Variants in NUP214 observed in about 807,000 individuals in gnomAD.
NUP214 encodes the protein nucleoporin 214, also known as nuclear pore complex protein Nup214.
A neutral mutation model predicts 196.2 loss-of-function variants in NUP214; 79 were observed. That is an observed-to-expected ratio of 0.40 (90% CI 0.34 to 0.49). The LOEUF (loss-of-function observed/expected upper bound fraction) is 0.49. Ranked by LOEUF, NUP214 falls within the 20% of genes least tolerant of loss-of-function variation. NUP214 has a pLI of 0.58. For synonymous variants in NUP214, 1,020 were observed against 990.5 expected (o/e 1.03, Z -0.56); for missense variants, 2,468 against 2,539.0 (o/e 0.97, Z 0.60).
At chr9:131,158,725 C>T (rs995407458) in intron 17 of NUP214, among the ~76,000 whole-genome samples, 1 of 152,146 alleles carries the variant, frequency 6.6e-6, no homozygotes, top group Non-Finnish European at 1.5e-5. Context: ...ATTCCCAGAC[C>T]ATGGAACTGA....
chr9:131,184,935 A>T (rs1307401650), intron 24 of NUP214, among the ~76,000 whole-genome samples: 4 of 152,274 alleles, frequency 2.6e-5, no homozygotes, highest in African/African-American at 9.6e-5. Flanking sequence ...TTGTTTCTTC[A>T]GTTACTCTTG....
At chr9:131,231,084 C>T (rs1031600537) in intron 34 of NUP214, among the ~76,000 whole-genome samples, 3 of 152,070 alleles carry the variant, frequency 2.0e-5, no homozygotes, top group Non-Finnish European at 2.9e-5. Flanking sequence ...ATCACTTGAG[C>T]GCTGCAGTGA....
intron 16 of NUP214, 139 bp downstream of exon 16, chr9:131,150,904 C>T: frequency 1.3e-6 from 1 of 792,356 alleles, no homozygotes. Context: ...AGTAGCTTGC[C>T]TAGAATCCCT....
chr9:131,208,978 A>T (rs182728787), intron 30 of NUP214, among the ~76,000 whole-genome samples: 11 of 152,210 alleles, frequency 7.2e-5, no homozygotes, highest in African/African-American at 2.6e-4. Flanking sequence ...ACGCCACTGC[A>T]CTCCAGCCTG....
rs1377531711 is a variant in NUP214, at chr9:131,125,697, G to A, written c.-8G>A. The A allele has an allele frequency of 1.4e-5, 21 of 1,550,914 alleles. No homozygotes were observed. Among genetic ancestry groups the A allele is most frequent in the Non-Finnish European group, 1.8e-5 (21 of 1,146,906 alleles). ...CGTTGGCTGCTTCGACACACTGAGGGCGGCGCGATGGGAGACGAGATGGAT... is the reference window on the plus strand; with the variant it reads ...CGTTGGCTGCTTCGACACACTGAGGACGGCGCGATGGGAGACGAGATGGAT... On this transcript the variant is annotated 5_prime_UTR_variant, in exon 1 of 36. Transcript: ENST00000359428. The surrounding 1 kb of genome is among the most constrained non-coding windows in gnomAD (Gnocchi z 4.1).
intron 21 of NUP214, chr9:131,165,127 G>T (rs1294157575): frequency 6.6e-6 from 1 of 152,058 alleles, no homozygotes; most frequent in Non-Finnish European, 1.5e-5. Flanking sequence ...AAGTATAAAG[G>T]AGAATAAAAA....
chr9:131,183,887 G>A (rs931678393), intron 24 of NUP214, among the ~76,000 whole-genome samples: 12 of 151,912 alleles, frequency 7.9e-5, no homozygotes, highest in African/African-American at 2.2e-4. Context: ...TCTTGTTAGA[G>A]AAAAATTTGG....
rs1588124406 is a variant in NUP214 at position 131,135,157 on chromosome 9, GTAGCTCACAGAA to G, written c.938+154_938+165del. On this transcript the variant is annotated intron_variant, in intron 8 of 35. Transcript: ENST00000359428. The stretch of plus-strand genomic sequence containing the variant: ...CAGGCTGGAGTGCAGTGGCACGATT[GTAGCTCACAGAA>G]GCCTGGAACTCCCAGGCTCAAGTGA... 13 of 563,422 alleles carry G rather than the reference GTAGCTCACAGAA, an allele frequency of 2.3e-5. No individual in the cohort carries two copies. In the East Asian group the frequency reaches 3.9e-4, roughly 17 times the overall value. 34.9% of individuals were successfully genotyped at this position (563,422 alleles called of 1,614,324 possible). A position where few individuals can be genotyped will look rare whatever the true frequency, so the allele number is the denominator to read the frequency against.
chr9:131,153,024 T>A (rs1286654057), intron 17 of NUP214: 1 of 152,142 alleles, frequency 6.6e-6, no homozygotes, highest in African/African-American at 2.4e-5. Flanking sequence ...CACCCTCCTG[T>A]CTTTGTAATC....
At chr9:131,139,151 T>TTCA (rs1301366465) in intron 9 of NUP214, 130 bp from the exon 10 acceptor site, 24 of 1,097,490 alleles carry the variant, frequency 2.2e-5, no homozygotes, top group Non-Finnish European at 2.7e-5. Context: ...AACACCTGAG[T>TTCA]CTAAACCAAG....
At chr9:131,153,392 G>A (rs939716563) in intron 17 of NUP214, 1 of 151,966 alleles carries the variant, frequency 6.6e-6, no homozygotes, top group African/African-American at 2.4e-5. Context: ...CTTCAAGATA[G>A]ATTGCAGAGC....
At chr9:131,161,645 A>G (rs772815958) in intron 18 of NUP214, among the ~76,000 whole-genome samples, 8 of 152,178 alleles carry the variant, frequency 5.3e-5, no homozygotes, top group Non-Finnish European at 1.0e-4. Context: ...AGGTAATGGG[A>G]AAAAGGGAAA....
intron 14 of NUP214, among the ~76,000 whole-genome samples, chr9:131,148,934 T>C (rs1020083076): frequency 3.3e-5 from 5 of 152,248 alleles, no homozygotes; most frequent in African/African-American, 1.2e-4. Context: ...ATGCTTTTCA[T>C]GTTTTAGAAA....
rs148247734 is a variant in NUP214 at position 131,128,607 on chromosome 9, TA to T, written c.393+133del. 2.9e-3 allele frequency: 2,257 copies of T among 765,786 alleles called. 25 individuals carry two copies. Among genetic ancestry groups the T allele is most frequent in the African/African-American group, 0.029 (1,610 of 55,786 alleles). The allele number at this position is 765,786 out of a possible 1,614,324, so 47.4% of individuals were successfully genotyped here. On this transcript the variant is annotated intron_variant, in intron 3 of 35. Transcript: ENST00000359428. ...TTTCTCTCTAGATTAAAATATGGGT[TA>T]AAAAAAAATCCTTAATTATAGAATC...
intron 30 of NUP214, among the ~76,000 whole-genome samples, chr9:131,204,231 C>T (rs1388743131): frequency 6.6e-6 from 1 of 152,108 alleles, no homozygotes; most frequent in African/African-American, 2.4e-5. Flanking sequence ...TAGAAGAAAT[C>T]AAAGACAAAC....
chr9:131,170,059 A>G (rs959411552), intron 21 of NUP214, among the ~76,000 whole-genome samples: 2 of 152,202 alleles, frequency 1.3e-5, no homozygotes, highest in Non-Finnish European at 2.9e-5. Context: ...CGGGAAGATG[A>G]AAACGTTCTG....
chr9:131,188,974 G>T, intron 25 of NUP214, 79 bp from the exon 26 acceptor site: 6 of 970,890 alleles, frequency 6.2e-6, no homozygotes, highest in South Asian at 1.4e-5. Context: ...ATATTTTTGT[G>T]TTTACATTTT....
At position 131,228,196 on chromosome 9, in the gene NUP214, C is replaced by T; in HGVS notation, c.5939C>T (p.Pro1980Leu). The stretch of plus-strand genomic sequence containing the variant: ...GCTGCTCCAGTGTTTGGCAGCCCTC[C>T]TACTTTTGGGGGATCCCCTGGGTTT... ...FGAAPVFGSPPTFGGSPGFGG... is the reference protein window; with the variant it reads ...FGAAPVFGSPLTFGGSPGFGG... The change falls in exon 33 of 36, where the codon CCT (proline) becomes CTT (leucine). Residue 1980 changes from proline (P) to leucine (L), a missense_variant. Physicochemically the swap from Pro to Leu is moderately conservative, Grantham distance 98. Around this residue, in one of 5 missense-constraint regions of NUP214, gnomAD observed 262 missense variants for 296.5 expected, o/e 0.88. Transcript: ENST00000359428. The T allele has an allele frequency of 6.2e-7, 1 of 1,601,832 alleles. No individual in the cohort carries two copies. The highest frequency in any genetic ancestry group is 8.5e-7 in the Non-Finnish European group (1 of 1,175,370).
intron 15 of NUP214, 97 bp downstream of exon 15, chr9:131,150,507 C>T (rs755688496): frequency 6.3e-5 from 99 of 1,564,104 alleles, no homozygotes; most frequent in Non-Finnish European, 7.8e-5. Context: ...TTCATTCTAG[C>T]GCTGAAGCAT....
Sources: gnomAD v4.1 joint callset for allele counts (sites outside exome capture counted in the v4.1 genomes callset) on GRCh38, gnomAD v4.1.1 for gene constraint, gnomAD v4.1.1 regional missense constraint, Gnocchi (gnomAD v3.1) non-coding constraint, MANE v1.5 for transcripts, NCBI Gene and HGNC (gene_info 2026-07-23, HGNC 2026-07-21) for gene names.